Variants in PDGFD observed in about 807,000 individuals in gnomAD.
PDGFD encodes platelet derived growth factor D.
PDGFD carries 30 observed loss-of-function variants against 44.7 expected under a neutral mutation model. The ratio of observed to expected loss-of-function variants is 0.67; its 90% CI spans 0.50 to 0.91. PDGFD has a LOEUF of 0.91. Among genes scored for constraint, PDGFD ranks in the 40% least tolerant of loss-of-function variants. PDGFD has a pLI of 0.00. For missense variants in PDGFD, 445 were observed against 457.8 expected, an observed-to-expected ratio of 0.97 and a Z score of 0.25; for synonymous variants, 173 against 168.4, an observed-to-expected ratio of 1.03 and a Z score of -0.21.
chr11:103,978,340 G>A (rs1388495843), intron 3 of PDGFD, among the ~76,000 whole-genome samples: 1 of 151,940 alleles, frequency 6.6e-6, no homozygotes, highest in Non-Finnish European at 1.5e-5. Context: ...CTTTCAAAAT[G>A]GCCACCTGGG....
At chr11:104,037,668 G>C in intron 1 of PDGFD, 1 of 1,614,172 alleles carries the variant, frequency 6.2e-7, no homozygotes, top group South Asian at 1.1e-5. Context: ...TGAGGCTGGT[G>C]GACCGACGGT....
At chr11:103,937,750 G>T (rs545644593) in intron 5 of PDGFD, among the ~76,000 whole-genome samples, 15 of 128,106 alleles carry the variant, frequency 1.2e-4, no homozygotes, top group Non-Finnish European at 2.0e-4. Context: ...TCCCCTTCCT[G>T]TGTCCATGTG....
chr11:103,925,080 T>A (rs1337784665), intron 6 of PDGFD, among the ~76,000 whole-genome samples: 1 of 152,174 alleles, frequency 6.6e-6, no homozygotes, highest in African/African-American at 2.4e-5. Context: ...CTGTGTTAGT[T>A]TGCTGAGAAT....
intron 1 of PDGFD, among the ~76,000 whole-genome samples, chr11:104,125,393 A>G (rs1434066107): frequency 6.6e-6 from 1 of 152,102 alleles, no homozygotes; most frequent in Non-Finnish European, 1.5e-5. Flanking sequence ...CAAATAATTA[A>G]AAAAAGGACT....
intron 1 of PDGFD, among the ~76,000 whole-genome samples, chr11:104,078,021 T>TGCTGGTTATGCC (rs113278155): frequency 0.47 from 70,972 of 151,090 alleles, 18,454 homozygotes; most frequent in African/African-American, 0.71. Context: ...ACAGGAAATA[T>TGCTGGTTATGCC]GCTGGTTATG....
intron 1 of PDGFD, among the ~76,000 whole-genome samples, chr11:104,107,328 G>C (rs568399540): frequency 3.0e-4 from 45 of 152,070 alleles, no homozygotes; most frequent in Non-Finnish European, 4.9e-4. Flanking sequence ...TACGGCACGC[G>C]ATGCTGGATG....
At chr11:103,946,640 A>C (rs1330995438) in intron 4 of PDGFD, 1 of 152,232 alleles carries the variant, frequency 6.6e-6, no homozygotes, top group Non-Finnish European at 1.5e-5. Flanking sequence ...CCTCTTCAGC[A>C]TATCTGCCTT....
chr11:104,159,442 C>T (rs1862357953), intron 1 of PDGFD, among the ~76,000 whole-genome samples: 1 of 152,100 alleles, frequency 6.6e-6, no homozygotes, highest in African/African-American at 2.4e-5. Flanking sequence ...TCCAGAACTG[C>T]CTTTTTACAC....
At chr11:104,065,198 C>G (rs1860771849) in intron 1 of PDGFD, among the ~76,000 whole-genome samples, 1 of 152,194 alleles carries the variant, frequency 6.6e-6, no homozygotes, top group Admixed American at 6.5e-5. Flanking sequence ...AGCTTCCAGA[C>G]AGCCTATTGT....
chr11:104,099,636 CAATAATAAT>C (rs72280494), intron 1 of PDGFD, among the ~76,000 whole-genome samples: 1,715 of 142,712 alleles, frequency 0.012, 26 homozygotes, highest in African/African-American at 0.033. Context: ...GTTTCAAAAA[CAATAATAAT>C]AATAATAATA....
chr11:104,160,691 C>T (rs962042286), intron 1 of PDGFD, among the ~76,000 whole-genome samples: 3 of 152,080 alleles, frequency 2.0e-5, no homozygotes, highest in Non-Finnish European at 2.9e-5. Context: ...GTTATAGAGC[C>T]TCATGTTCTC....
At chr11:104,100,237 C>G (rs1591163392) in intron 1 of PDGFD, among the ~76,000 whole-genome samples, 2 of 151,838 alleles carry the variant, frequency 1.3e-5, no homozygotes, top group East Asian at 3.9e-4. Flanking sequence ...TGTGGATGCC[C>G]TGAAGAAGAA....
intron 1 of PDGFD, among the ~76,000 whole-genome samples, chr11:104,126,633 G>A (rs1041262472): frequency 6.6e-6 from 1 of 152,050 alleles, no homozygotes; most frequent in East Asian, 1.9e-4. Flanking sequence ...AGTAAGAGAG[G>A]AACATATATG....
intron 4 of PDGFD, among the ~76,000 whole-genome samples, chr11:103,945,230 A>C (rs1858651574): frequency 6.6e-6 from 1 of 152,088 alleles, no homozygotes; most frequent in African/African-American, 2.4e-5. Flanking sequence ...GGGTGCAGCC[A>C]TATTTGTTCC....
chr11:103,942,473 ATGATG>A (rs1858599752), intron 5 of PDGFD, among the ~76,000 whole-genome samples: 1 of 152,200 alleles, frequency 6.6e-6, no homozygotes, highest in Admixed American at 6.6e-5. Context: ...GTTTTAACTC[ATGATG>A]TTCTCTCTGC....
chr11:104,004,872 C>CTTTTTTTTTTTTTTTTTTT (rs33979812), intron 1 of PDGFD, among the ~76,000 whole-genome samples: 2 of 71,892 alleles, frequency 2.8e-5, no homozygotes, highest in Admixed American at 2.4e-4. Flanking sequence ...TTATTACCAC[C>CTTTTTTTTTTTTTTTTTTT]TTTTTTTTTT....
At chr11:104,108,746 G>GCA (rs1861504566) in intron 1 of PDGFD, among the ~76,000 whole-genome samples, 7 of 152,124 alleles carry the variant, frequency 4.6e-5, no homozygotes, top group Admixed American at 4.6e-4. Context: ...AAAGGCACAT[G>GCA]CACACGTGTG....
At chr11:103,919,392 T>C (rs1858174206) in intron 6 of PDGFD, among the ~76,000 whole-genome samples, 1 of 152,180 alleles carries the variant, frequency 6.6e-6, no homozygotes, top group African/African-American at 2.4e-5. Context: ...AAAAAGGCTG[T>C]TAAGGCCTTG....
intron 1 of PDGFD, among the ~76,000 whole-genome samples, chr11:104,064,057 G>C (rs1048489770): frequency 6.6e-6 from 1 of 152,232 alleles, no homozygotes; most frequent in African/African-American, 2.4e-5. Flanking sequence ...CCCTGACTCT[G>C]TGATTTTCCA....
Sources: allele counts gnomAD v4.1 joint callset (sites outside exome capture counted in the v4.1 genomes callset), GRCh38; gene constraint gnomAD v4.1.1; transcripts MANE v1.5; gene names NCBI Gene and HGNC (gene_info 2026-07-23, HGNC 2026-07-21).